Variants in ZNF875 observed in about 807,000 individuals in gnomAD.
ZNF875 encodes the protein HKR1, GLI-Kruppel zinc finger family member.
Under a neutral mutation model 11.2 loss-of-function variants are expected in ZNF875, and 14 were observed. The ratio of observed to expected loss-of-function variants is 1.26; its 90% CI spans 0.83 to 1.96. The LOEUF is 1.96. ZNF875 is among the 30% of genes most tolerant of loss of function. The pLI is 0.00. For missense variants in ZNF875, 752 were observed against 760.4 expected (o/e 0.99, Z 0.13); for synonymous variants, 301 against 281.1 (o/e 1.07, Z -0.71).
chr19:37,349,528 CTCT>C (rs1259568166), intron 4 of ZNF875, among the ~76,000 whole-genome samples: 1 of 152,178 alleles, frequency 6.6e-6, no homozygotes, highest in Non-Finnish European at 1.5e-5. Context: ...TTGGTGTTTG[CTCT>C]TCTGTGAAGC....
chr19:37,318,563 C>T (rs1322627793), intron 1 of ZNF875, among the ~76,000 whole-genome samples: 1 of 151,272 alleles, frequency 6.6e-6, no homozygotes, highest in African/African-American at 2.4e-5. Flanking sequence ...GCTCTGTCGC[C>T]CAGGCTGGAG....
chr19:37,362,576 C>G lies in ZNF875; in HGVS notation c.724C>G (p.Leu242Val). 6.2e-7 allele frequency: 1 copy of G among 1,614,138 alleles called. No individual in the cohort carries two copies. The highest frequency in any genetic ancestry group is 8.5e-7 in the Non-Finnish European group (1 of 1,180,008). ...AGGCTTTATCAAGGAGTCAAACCTCCTTAGCCTCCAGAAGACACAAACTGG... is the reference window on the plus strand; with the variant it reads ...AGGCTTTATCAAGGAGTCAAACCTCGTTAGCCTCCAGAAGACACAAACTGG... Reference protein sequence around the residue: ...GPGFIKESNLLSLQKTQTGET... With the variant: ...GPGFIKESNLVSLQKTQTGET... The change falls in exon 5 of 5, where the codon CTT (leucine) becomes GTT (valine). Residue 242 changes from leucine to valine, a missense_variant. Transcript: ENST00000392153.
At chr19:37,341,479 G>T (rs1226815660) in intron 2 of ZNF875, among the ~76,000 whole-genome samples, 2 of 152,054 alleles carry the variant, frequency 1.3e-5, no homozygotes, top group Non-Finnish European at 2.9e-5. Flanking sequence ...AATGGTCTTG[G>T]GTTTCTCTAT....
Position 37,362,234 on chromosome 19 carries a change from C to A in ZNF875, c.382C>A (p.Pro128Thr), listed in dbSNP as rs760540343. 1 of 1,614,136 alleles carries A rather than the reference C, an allele frequency of 6.2e-7. No individual in the cohort carries two copies. Among genetic ancestry groups the A allele is most frequent in the East Asian group, 2.2e-5 (1 of 44,860 alleles). The part of the protein sequence containing the change: ...QLFSSLWAGN[P>T]LHLGKHYPED... Reference sequence around the variant, plus strand: ...GTTTTCAAGTTTATGGGCAGGAAATCCTCTCCACCTGGGAAAACACTATCC... The same window carrying A: ...GTTTTCAAGTTTATGGGCAGGAAATACTCTCCACCTGGGAAAACACTATCC... Residue 128 changes from proline (P) to threonine (T), a missense_variant, in exon 5 of 5, where the codon CCT becomes ACT. Transcript: ENST00000392153.
chr19:37,317,242 T>C (rs944212525), upstream of ZNF875: 2 of 123,186 alleles, frequency 1.6e-5, no homozygotes, highest in Non-Finnish European at 3.3e-5. Context: ...CTGGAGTGCA[T>C]TGGCGCGATC....
At chr19:37,327,945 G>T (rs2032779149) in intron 4 of ZNF875, among the ~76,000 whole-genome samples, 1 of 151,876 alleles carries the variant, frequency 6.6e-6, no homozygotes, top group Non-Finnish European at 1.5e-5. Flanking sequence ...GAGTTGCAGT[G>T]AGAAGGGGCG....
chr19:37,334,384 T>C (rs1212503121), upstream of ZNF875, among the ~76,000 whole-genome samples: 1 of 152,238 alleles, frequency 6.6e-6, no homozygotes. Context: ...GACCACATTT[T>C]GCAGAATCCT....
chr19:37,329,569 G>A (rs2033065864), intron 4 of ZNF875, among the ~76,000 whole-genome samples: 1 of 152,188 alleles, frequency 6.6e-6, no homozygotes, highest in Non-Finnish European at 1.5e-5. Context: ...AAGTCTGCAT[G>A]TGTGGGTGAA....
rs748539873 is a variant in ZNF875, at chr19:37,363,862, G to A, written c.*87G>A. 1 of 1,134,346 alleles carries A rather than the reference G, an allele frequency of 8.8e-7. No homozygotes were observed. 70.3% of individuals were successfully genotyped at this position (1,134,346 alleles called of 1,614,324 possible). A position where few individuals can be genotyped will look rare whatever the true frequency, so the allele number is the denominator to read the frequency against. Reference sequence around the variant, plus strand: ...ACCAGAGGACACACACAGTGCTGTGGCTTTTTCAGCCATTGCTAGATACCA... The same window carrying A: ...ACCAGAGGACACACACAGTGCTGTGACTTTTTCAGCCATTGCTAGATACCA... On this transcript the variant is annotated 3_prime_UTR_variant, in exon 5 of 5. Coordinates refer to ENST00000392153, the MANE Select transcript of ZNF875 (RefSeq NM_001353803.2).
chr19:37,345,155 A>G (rs1367147011), intron 2 of ZNF875: 1 of 176,216 alleles, frequency 5.7e-6, no homozygotes, highest in Non-Finnish European at 1.2e-5. Flanking sequence ...CAAAAGCCCC[A>G]TCCCCTGGTT....
rs1372076883 is a variant in ZNF875 at position 37,335,181 on chromosome 19, A to C, written c.-44A>C. Reference sequence around the variant, plus strand: ...TTCACATCCCCAGATCTGTCTTCTGAGACTTTGCCCTTCTCCAGGAAGAGC... The same window carrying C: ...TTCACATCCCCAGATCTGTCTTCTGCGACTTTGCCCTTCTCCAGGAAGAGC... On this transcript the variant is annotated 5_prime_UTR_variant, in exon 2 of 5. Transcript: ENST00000392153. 4.3e-6 allele frequency: 3 copies of C among 702,102 alleles called. No homozygotes were observed. The South Asian group carries it at 4.4e-5, about 10-fold the overall frequency. The allele number at this position is 702,102 out of a possible 1,614,324, so 43.5% of individuals were successfully genotyped here. A position where few individuals can be genotyped will look rare whatever the true frequency, so the allele number is the denominator to read the frequency against.
intron 2 of ZNF875, among the ~76,000 whole-genome samples, chr19:37,342,702 A>G (rs2035983226): frequency 1.3e-5 from 2 of 152,122 alleles, no homozygotes; most frequent in Non-Finnish European, 2.9e-5. Flanking sequence ...GTGAGCCACC[A>G]CGCCTGGCCC....
chr19:37,348,825 A>T (rs1187799323), intron 4 of ZNF875, among the ~76,000 whole-genome samples: 4 of 152,220 alleles, frequency 2.6e-5, no homozygotes, highest in Non-Finnish European at 5.9e-5. Context: ...TGAGTAAAAG[A>T]ATATGCACCT....
rs1335094445 is a variant in ZNF875, at chr19:37,347,286, C to T, written c.130C>T (p.Leu44=). The change falls in exon 3 of 5, where the codon CTG becomes TTG. Residue 44 remains leucine (L), a synonymous_variant. Transcript: ENST00000392153. The stretch of plus-strand genomic sequence containing the variant: ...GAGGACCCTGCACAGGGAGGTGATG[C>T]TGGAGACTTATAACCATCTGGTCTC... ...AQRTLHREVM[L]ETYNHLVSLE... 2 of 1,613,960 alleles carry T rather than the reference C, an allele frequency of 1.2e-6. No homozygotes were observed. Among genetic ancestry groups the T allele is most frequent in the Middle Eastern group, 1.7e-4 (1 of 6,060 alleles).
In ZNF875 at chr19:37,363,444, A is replaced by G. The variant is rs2040313757; in HGVS notation, c.1592A>G (p.Glu531Gly). The G allele has an allele frequency of 6.2e-7, 1 of 1,613,788 alleles. No homozygotes were observed. The highest frequency in any genetic ancestry group is 1.3e-5 in the African/African-American group (1 of 74,830). The change falls in exon 5 of 5, where the codon GAA (glutamate) becomes GGA (glycine). Residue 531 changes from glutamate to glycine, a missense_variant. By Grantham distance (98) the Glu-to-Gly change is moderately conservative. Coordinates refer to ENST00000392153, the MANE Select transcript of ZNF875 (RefSeq NM_001353803.2). ...LISHQRTHSG[E>G]KPFMCRECGR... ...TCACACCAGAGGACACATTCAGGGG[A>G]AAAGCCTTTTATGTGCAGGGAGTGT...
intron 2 of ZNF875, among the ~76,000 whole-genome samples, chr19:37,342,128 C>A (rs1369424699): frequency 6.6e-6 from 1 of 152,198 alleles, no homozygotes; most frequent in Admixed American, 6.5e-5. Flanking sequence ...CCTTTTTGTC[C>A]AGCGTGGAGA....
intron 4 of ZNF875, among the ~76,000 whole-genome samples, chr19:37,325,264 A>G (rs1348088619): frequency 4.6e-5 from 7 of 152,150 alleles, no homozygotes; most frequent in Admixed American, 3.9e-4. Context: ...TCCCGCTGTC[A>G]GCACCCGAAG....
chr19:37,354,388 T>A (rs1234453368), intron 4 of ZNF875, among the ~76,000 whole-genome samples: 1 of 151,218 alleles, frequency 6.6e-6, no homozygotes, highest in African/African-American at 2.4e-5. Context: ...CTTCCCCATC[T>A]TCTGGCTGGT....
rs757951400 is a variant in ZNF875, at chr19:37,363,166, AACACACCAGAGG to A, written c.1321_1332del (p.Gln441_His444del). 4 of 1,604,400 alleles carry A rather than the reference AACACACCAGAGG, an allele frequency of 2.5e-6. No homozygotes were observed. The highest frequency in any genetic ancestry group is 2.5e-6 in the Non-Finnish European group (3 of 1,176,554). On this transcript the variant is annotated inframe_deletion, in exon 5 of 5. Coordinates refer to ENST00000392153, the MANE Select transcript of ZNF875 (RefSeq NM_001353803.2). ...ACTTTAGCTGGAAATCAAACCTCAA[AACACACCAGAGG>A]ACACACTCAGGGGTTAAACCTTATG...
Sources: allele counts gnomAD v4.1 joint callset (sites outside exome capture counted in the v4.1 genomes callset), GRCh38; gene constraint gnomAD v4.1.1; transcripts MANE v1.5; gene names NCBI Gene and HGNC (gene_info 2026-07-23, HGNC 2026-07-21).